Variants in RPN1 observed in about 807,000 individuals in gnomAD.
RPN1 encodes the protein dolichyl-diphosphooligosaccharide--protein glycosyltransferase subunit 1.
RPN1 carries 12 observed loss-of-function variants against 55.5 expected under a neutral mutation model. That is an observed-to-expected ratio of 0.22 (90% CI 0.14 to 0.35). RPN1 has a LOEUF of 0.35. Ranked by LOEUF, RPN1 falls within the 10% of genes least tolerant of loss-of-function variation. RPN1 has a pLI of 1.00. For synonymous variants in RPN1, 317 were observed against 305.9 expected, an observed-to-expected ratio of 1.04 and a Z score of -0.38; for missense variants, 679 against 761.3, an observed-to-expected ratio of 0.89 and a Z score of 1.27.
chr3:128,646,128 CAGGAGAATTTCGTGAATCTGGGAGACGG>C (rs1232302535), intron 1 of RPN1, among the ~76,000 whole-genome samples: 1 of 143,262 alleles, frequency 7.0e-6, no homozygotes, highest in African/African-American at 2.6e-5. Context: ...GAGGCTGAGG[CAGGAGAATTTCGTGAATCTGGGAGACGG>C]AGGTTGCAGT....
At chr3:128,635,393 T>C (rs1365556262) in intron 3 of RPN1, among the ~76,000 whole-genome samples, 1 of 151,512 alleles carries the variant, frequency 6.6e-6, no homozygotes, top group Non-Finnish European at 1.5e-5. Context: ...CCCTACCTCC[T>C]GGGTTCAAGC....
At position 128,650,703 on chromosome 3, in the gene RPN1, T is replaced by A. The variant is rs151009188; in HGVS notation, c.98A>T (p.Asn33Ile). The change falls in exon 1 of 10, where the codon AAT (asparagine) becomes ATT (isoleucine). Residue 33 changes from asparagine (N) to isoleucine (I), a missense_variant. By Grantham distance (149) the Asn-to-Ile change is moderately radical. Around this residue, in one of 3 missense-constraint regions of RPN1, gnomAD observed 352 missense variants for 352.8 expected, o/e 1.00. Transcript: ENST00000296255. ...SASSEAPPLI[N>I]EDVKRTVDLS... ...GTCCACTGTGCGCTTCACGTCCTCA[T>A]TGATCAGCGGCGGTGCCTCGGAGGA... 8 of 1,569,250 alleles carry A rather than the reference T, an allele frequency of 5.1e-6. No homozygotes were observed. The African/African-American group carries it at 1.1e-4, about 21-fold the overall frequency.
intron 8 of RPN1, among the ~76,000 whole-genome samples, chr3:128,625,115 G>A (rs1485640884): frequency 1.3e-5 from 2 of 152,172 alleles, no homozygotes; most frequent in Non-Finnish European, 2.9e-5. Flanking sequence ...GAGAGTGGGA[G>A]TGGGGAGAAC....
intron 3 of RPN1, among the ~76,000 whole-genome samples, chr3:128,633,193 T>C (rs1038598672): frequency 9.2e-5 from 14 of 152,188 alleles, no homozygotes; most frequent in African/African-American, 3.4e-4. Flanking sequence ...AAAAACTACT[T>C]GGCAAAATAC....
At chr3:128,629,624 T>C (rs1394930022) in intron 5 of RPN1, among the ~76,000 whole-genome samples, 2 of 152,206 alleles carry the variant, frequency 1.3e-5, no homozygotes, top group Non-Finnish European at 2.9e-5. Flanking sequence ...TTCTGGGTGT[T>C]CATATAAAAG....
intron 1 of RPN1, among the ~76,000 whole-genome samples, chr3:128,648,162 G>A (rs1435950062): frequency 6.6e-6 from 1 of 152,160 alleles, no homozygotes; most frequent in Non-Finnish European, 1.5e-5. Flanking sequence ...GGGAGGCCGA[G>A]GTGGGCGGAT....
chr3:128,647,449 C>A (rs569065690), intron 1 of RPN1, among the ~76,000 whole-genome samples: 1 of 152,214 alleles, frequency 6.6e-6, no homozygotes, highest in Admixed American at 6.5e-5. Flanking sequence ...GTAATCCCAA[C>A]ACTTTGGGAG....
At chr3:128,636,234 G>A (rs1310050985) in intron 3 of RPN1, among the ~76,000 whole-genome samples, 4 of 152,102 alleles carry the variant, frequency 2.6e-5, no homozygotes, top group Non-Finnish European at 4.4e-5. Flanking sequence ...GCCGAGGCAG[G>A]CGGATCACCT....
chr3:128,637,014 A>G (rs2107718338), intron 3 of RPN1, among the ~76,000 whole-genome samples: 1 of 152,306 alleles, frequency 6.6e-6, no homozygotes, highest in African/African-American at 2.4e-5. Flanking sequence ...AGGCAGGAAG[A>G]TCACCTGGGC....
rs1127020 is a variant in RPN1 at position 128,620,213 on chromosome 3, T to A, written c.*198A>T. 0.021 allele frequency: 7,140 copies of A among 332,426 alleles called. 185 individuals carry two copies. The highest frequency in any genetic ancestry group is 0.093 in the African/African-American group (4,212 of 45,180). The allele number at this position is 332,426 out of a possible 1,614,324, so 20.6% of individuals were successfully genotyped here. On this transcript the variant is annotated 3_prime_UTR_variant, in exon 10 of 10. Transcript: ENST00000296255. ...GAGTTTTTTTAAAGTTTTCTTTTTT[T>A]AAAAAAAAAAAAAAAGAAAGTTAAG...
chr3:128,636,819 G>A (rs555016328), intron 3 of RPN1, among the ~76,000 whole-genome samples: 2 of 152,154 alleles, frequency 1.3e-5, no homozygotes, highest in Non-Finnish European at 2.9e-5. Context: ...AAAGTGCTAG[G>A]ATTATAGGCA....
intron 3 of RPN1, among the ~76,000 whole-genome samples, chr3:128,635,176 A>T (rs1244688488): frequency 6.6e-6 from 1 of 152,140 alleles, no homozygotes; most frequent in East Asian, 1.9e-4. Flanking sequence ...ACATGGAGGA[A>T]TATAAGTATG....
At chr3:128,628,614 C>T (rs2069618927) in intron 5 of RPN1, among the ~76,000 whole-genome samples, 1 of 150,988 alleles carries the variant, frequency 6.6e-6, no homozygotes, top group South Asian at 2.1e-4. Context: ...CCCGTTTTCA[C>T]CATGTTGCCC....
chr3:128,632,519 C>T (rs2069649415), intron 3 of RPN1, among the ~76,000 whole-genome samples: 1 of 152,034 alleles, frequency 6.6e-6, no homozygotes, highest in African/African-American at 2.4e-5. Context: ...AATTTCAAGC[C>T]CTGGCAGTTT....
chr3:128,629,892 G>GA (rs11453536), intron 5 of RPN1, 59 bp downstream of exon 5: 576,336 of 949,716 alleles, frequency 0.61, 178,495 homozygotes, highest in East Asian at 0.79. Flanking sequence ...ATAATTGAAA[G>GA]AAAAAAATTC....
intron 8 of RPN1, 142 bp from the exon 9 acceptor site, chr3:128,622,551 G>T: frequency 9.6e-7 from 1 of 1,037,552 alleles, no homozygotes; most frequent in Non-Finnish European, 1.4e-6. Context: ...AACCCCTACT[G>T]ATACCTAATC....
At chr3:128,622,879 A>T (rs1952602507) in intron 8 of RPN1, among the ~76,000 whole-genome samples, 1 of 151,150 alleles carries the variant, frequency 6.6e-6, no homozygotes, top group Admixed American at 6.6e-5. Context: ...CCTGGGCGAC[A>T]GAGCGAAACT....
At chr3:128,641,047 T>C (rs1404524249) in intron 2 of RPN1, 1 of 151,468 alleles carries the variant, frequency 6.6e-6, no homozygotes, top group Admixed American at 6.6e-5. Context: ...TTTCAATCAA[T>C]AAAAGGCTAG....
chr3:128,648,435 C>A (rs1236063190), intron 1 of RPN1, among the ~76,000 whole-genome samples: 1 of 151,874 alleles, frequency 6.6e-6, no homozygotes, highest in Admixed American at 6.6e-5. Context: ...GTGGCATGCA[C>A]CTGTAATCCC....
Sources: gnomAD v4.1 joint callset for allele counts (sites outside exome capture counted in the v4.1 genomes callset) on GRCh38, gnomAD v4.1.1 for gene constraint, gnomAD v4.1.1 regional missense constraint, MANE v1.5 for transcripts, NCBI Gene and HGNC (gene_info 2026-07-23, HGNC 2026-07-21) for gene names.